Variants in PRR33 observed in about 807,000 individuals in gnomAD.
PRR33 encodes the protein proline rich 33.
PRR33 carries 1 observed loss-of-function variant against 0.5 expected under a neutral mutation model. The ratio of observed to expected loss-of-function variants is 2.18; its 90% CI spans 0.77 to 10.34. The LOEUF is 10.34. Among genes scored for constraint, PRR33 ranks in the 30% most tolerant of loss-of-function variants. The pLI, the probability that PRR33 is intolerant of heterozygous loss-of-function variation, is 0.13. For synonymous variants in PRR33, 226 were observed against 110.0 expected (o/e 2.06, Z -6.60); for missense variants, 552 against 251.8 (o/e 2.19, Z -8.07).
the PRR33 span, among the ~76,000 whole-genome samples, chr11:1,900,050 CAT>C: frequency 6.7e-6 from 1 of 150,374 alleles, no homozygotes; most frequent in African/African-American, 2.4e-5. Context: ...ATTATATATA[CAT>C]ATATATATAA....
chr11:1,904,920 G>A, the PRR33 span, among the ~76,000 whole-genome samples: 1 of 151,730 alleles, frequency 6.6e-6, no homozygotes, highest in African/African-American at 2.4e-5. Flanking sequence ...CCATCAAGTT[G>A]GCTAAAGGTT....
the PRR33 span, among the ~76,000 whole-genome samples, chr11:1,909,152 G>A: frequency 6.6e-6 from 1 of 151,346 alleles, no homozygotes; most frequent in Non-Finnish European, 1.5e-5. Flanking sequence ...TGGGAGGCTC[G>A]AGTCCAGGAG....
the PRR33 span, among the ~76,000 whole-genome samples, chr11:1,916,993 A>G: frequency 6.6e-6 from 1 of 152,192 alleles, no homozygotes; most frequent in Non-Finnish European, 1.5e-5. Context: ...CCTTGCTACA[A>G]GCCCCTAGGC....
the PRR33 span, among the ~76,000 whole-genome samples, chr11:1,910,045 T>C: frequency 2.7e-4 from 41 of 152,368 alleles, 1 homozygote; most frequent in Admixed American, 2.4e-3. Context: ...GACTTCGCCA[T>C]TGGTGGCTCA....
exon 1 of PRR33, chr11:1,890,551 C>T (rs1848956952): frequency 1.4e-6 from 1 of 713,050 alleles, no homozygotes. Context: ...GGGCCGCACA[C>T]CTCGGGTGCC....
chr11:1,901,979 T>C, the PRR33 span, among the ~76,000 whole-genome samples: 2 of 152,128 alleles, frequency 1.3e-5, no homozygotes, highest in African/African-American at 2.4e-5. Flanking sequence ...ACGCCTGTAA[T>C]CCCAGCACTT....
chr11:1,889,191 TG>T, the PRR33 span: 2 of 675,160 alleles, frequency 3.0e-6, no homozygotes, highest in Non-Finnish European at 5.5e-6. Flanking sequence ...GTTCTTGGGC[TG>T]GGGGCTCAGC....
the PRR33 span, among the ~76,000 whole-genome samples, chr11:1,914,582 C>CTGTGTGTGTG: frequency 2.7e-4 from 35 of 130,292 alleles, 1 homozygote; most frequent in Middle Eastern, 0.012. Flanking sequence ...GGATGTTGCT[C>CTGTGTGTGTG]TGTGTGTGTG....
exon 1 of PRR33, chr11:1,891,852 C>G: frequency 6.6e-6 from 1 of 152,488 alleles, no homozygotes; most frequent in East Asian, 1.9e-4. Flanking sequence ...CGCCCCCCGG[C>G]CCTGGCTAAG....
At chr11:1,897,046 C>T in the PRR33 span, among the ~76,000 whole-genome samples, 5 of 152,282 alleles carry the variant, frequency 3.3e-5, no homozygotes, top group South Asian at 2.1e-4. This position sits in a 1 kb window ranked among gnomAD's most constrained non-coding sequence, Gnocchi z 4.0. Flanking sequence ...GCACAGAAAA[C>T]GGAAGCAAAG....
the PRR33 span, among the ~76,000 whole-genome samples, chr11:1,901,171 G>T: frequency 1.1e-3 from 172 of 152,272 alleles, no homozygotes; most frequent in African/African-American, 3.8e-3. Context: ...AATTAGTCGG[G>T]CGTTGTGGCA....
At chr11:1,895,111 A>G (rs1227105611), upstream of PRR33, among the ~76,000 whole-genome samples, 1 of 151,086 alleles carries the variant, frequency 6.6e-6, no homozygotes, top group African/African-American at 2.4e-5. Context: ...TTGTTTTCCT[A>G]TTGTTGAGTT....
chr11:1,890,167 T>C, exon 1 of PRR33: 1 of 716,960 alleles, frequency 1.4e-6, no homozygotes, highest in East Asian at 2.7e-5. Context: ...GCTAGAATCC[T>C]GCGCTGGGTG....
At chr11:1,916,048 G>A in the PRR33 span, among the ~76,000 whole-genome samples, 1 of 152,136 alleles carries the variant, frequency 6.6e-6, no homozygotes, top group Admixed American at 6.5e-5. Context: ...TGGAAGAGAA[G>A]GAGGGAGGAA....
At chr11:1,895,403 G>A (rs1179809279), upstream of PRR33, among the ~76,000 whole-genome samples, 2 of 152,180 alleles carry the variant, frequency 1.3e-5, no homozygotes, top group Non-Finnish European at 2.9e-5. Flanking sequence ...AAAGTGCTGG[G>A]ATTACAGGCG....
At chr11:1,910,106 G>A in the PRR33 span, among the ~76,000 whole-genome samples, 2 of 152,196 alleles carry the variant, frequency 1.3e-5, no homozygotes, top group South Asian at 2.1e-4. Context: ...AATACACGAC[G>A]GTGTACCTGT....
the PRR33 span, among the ~76,000 whole-genome samples, chr11:1,905,989 ATTTTTTTT>A: frequency 7.7e-6 from 1 of 129,624 alleles, no homozygotes; most frequent in East Asian, 2.3e-4. Context: ...CAGCTAAAGT[ATTTTTTTT>A]TTTTTTTTTG....
At chr11:1,908,035 A>T in the PRR33 span, 1 of 152,086 alleles carries the variant, frequency 6.6e-6, no homozygotes, top group Non-Finnish European at 1.5e-5. Context: ...TAGCTGTGTG[A>T]CCTTCAGGAT....
chr11:1,906,525 A>G, the PRR33 span, among the ~76,000 whole-genome samples: 1 of 152,030 alleles, frequency 6.6e-6, no homozygotes, highest in East Asian at 1.9e-4. Context: ...ATACTTTTAT[A>G]TTTCCACAAA....
Sources: allele counts gnomAD v4.1 joint callset (sites outside exome capture counted in the v4.1 genomes callset), GRCh38; gene constraint gnomAD v4.1.1; non-coding constraint Gnocchi (gnomAD v3.1); transcripts MANE v1.5; gene names NCBI Gene and HGNC (gene_info 2026-07-23, HGNC 2026-07-21).